The following TXLNG variants were observed in gnomAD, a reference collection of about 807,000 sequenced individuals.
The protein encoded by TXLNG is gamma-taxilin.
TXLNG carries 5 observed loss-of-function variants against 38.8 expected under a neutral mutation model. The observed-to-expected ratio is 0.13, with a 90% CI of 0.07 to 0.27. The LOEUF (loss-of-function observed/expected upper bound fraction) is 0.27. Among genes scored for constraint, TXLNG ranks in the 10% least tolerant of loss-of-function variants. TXLNG has a pLI of 1.00. For synonymous variants in TXLNG, 182 were observed against 158.2 expected (o/e 1.15, Z -1.13); for missense variants, 393 against 398.2 (o/e 0.99, Z 0.11).
At chrX:16,819,821 T>TA (rs993110390) in intron 2 of TXLNG, among the ~76,000 whole-genome samples, 8 of 111,831 alleles carry the variant, frequency 7.2e-5, no homozygotes, top group African/African-American at 2.6e-4. Flanking sequence ...GAGGAAGCTT[T>TA]AAAAAAAATT....
intron 1 of TXLNG, among the ~76,000 whole-genome samples, chrX:16,812,252 G>T (rs1458689415): frequency 2.8e-5 from 3 of 107,962 alleles, no homozygotes; most frequent in Admixed American, 1.0e-4. Flanking sequence ...CAAGTGATCC[G>T]CCCGCCTCGG....
chrX:16,823,254 T>C (rs1341123017), intron 3 of TXLNG, among the ~76,000 whole-genome samples: 1 of 107,876 alleles, frequency 9.3e-6, no homozygotes, highest in Admixed American at 9.9e-5. Context: ...AGGTCGGGAG[T>C]TCGAGACCAG....
At chrX:16,790,197 G>A (rs928708669) in intron 1 of TXLNG, among the ~76,000 whole-genome samples, 29 of 111,275 alleles carry the variant, frequency 2.6e-4, no homozygotes, top group South Asian at 7.4e-4. Flanking sequence ...CATAGTTTAC[G>A]TTAGGGTTCA....
intron 1 of TXLNG, among the ~76,000 whole-genome samples, chrX:16,809,328 A>C (rs1257253444): frequency 3.1e-5 from 3 of 98,326 alleles, no homozygotes; most frequent in Non-Finnish European, 4.1e-5. Flanking sequence ...TGATGTGTAA[A>C]ATGATATCTT....
At chrX:16,820,862 G>T (rs186650896) in intron 3 of TXLNG, among the ~76,000 whole-genome samples, 131 of 111,361 alleles carry the variant, frequency 1.2e-3, no homozygotes, top group Non-Finnish European at 2.1e-3. Context: ...TCCACCTCCC[G>T]GGTTCACGCC....
intron 8 of TXLNG, 100 bp downstream of exon 8, chrX:16,837,785 T>C: frequency 1.6e-6 from 1 of 610,179 alleles, no homozygotes; most frequent in Non-Finnish European, 2.4e-6. Flanking sequence ...GTTATGATAC[T>C]GTCTTCATTT....
At chrX:16,825,420 G>A (rs1045132454) in intron 3 of TXLNG, among the ~76,000 whole-genome samples, 1 of 112,652 alleles carries the variant, frequency 8.9e-6, no homozygotes, top group Non-Finnish European at 1.9e-5. Flanking sequence ...GGAAACACAT[G>A]AGAATGTTCA....
At chrX:16,818,539 T>G (rs765674434) in intron 1 of TXLNG, 35 bp from the exon 2 acceptor site, 1 of 1,177,353 alleles carries the variant, frequency 8.5e-7, no homozygotes, top group East Asian at 3.0e-5. Context: ...ATTTAACCCC[T>G]TCTCCATCTT....
chrX:16,815,646 C>T (rs759701825), intron 1 of TXLNG, among the ~76,000 whole-genome samples: 55 of 111,468 alleles, frequency 4.9e-4, no homozygotes, highest in Non-Finnish European at 8.9e-4. Flanking sequence ...CCCAGCCTCC[C>T]GAGTAGCTGG....
At chrX:16,829,847 C>T (rs1246551973) in intron 5 of TXLNG, 77 bp downstream of exon 5, 3 of 1,017,367 alleles carry the variant, frequency 2.9e-6, no homozygotes, top group Non-Finnish European at 4.0e-6. Context: ...AGTAAAACTG[C>T]TGTCACGGGT....
rs1315628489 is a variant in TXLNG at position 16,842,124 on chromosome X, A to T, written c.*358A>T. The T allele has an allele frequency of 2.2e-5, 3 of 137,032 alleles. No individual in the cohort carries two copies. Among genetic ancestry groups the T allele is most frequent in the Non-Finnish European group, 4.2e-5 (3 of 71,975 alleles). The allele number at this position is 137,032 out of a possible 1,213,427, so 11.3% of individuals were successfully genotyped here. On this transcript the variant is annotated 3_prime_UTR_variant, in exon 10 of 10. Coordinates refer to ENST00000380122, the MANE Select transcript of TXLNG (RefSeq NM_018360.3). The stretch of plus-strand genomic sequence containing the variant: ...GTTCTGACGATGGTTCCTTGATGTG[A>T]AAACAATATTAATTTAAACGTCTTA...
At chrX:16,838,528 C>A (rs908133059) in intron 8 of TXLNG, among the ~76,000 whole-genome samples, 15 of 112,185 alleles carry the variant, frequency 1.3e-4, no homozygotes, top group Non-Finnish European at 2.1e-4. Flanking sequence ...AAATTGGTAA[C>A]AAAAACCTGC....
In TXLNG at chrX:16,786,510, C is replaced by T. The variant is rs763002861; in HGVS notation, c.23C>T (p.Ala8Val). The change falls in exon 1 of 10, where the codon GCA becomes GTA. Residue 8 changes from alanine (A) to valine (V), a missense_variant. Transcript: ENST00000380122. MATRVEE[A>V]ARGRGGGAEE... ...CTCATGGCGACGCGGGTAGAGGAGG[C>T]AGCGCGGGGAAGAGGCGGCGGCGCC... The T allele has an allele frequency of 6.1e-4, 678 of 1,111,380 alleles. 1 individual carries two copies. The highest frequency in any genetic ancestry group is 7.1e-4 in the Non-Finnish European group (601 of 849,184). 91.6% of individuals were successfully genotyped at this position (1,111,380 alleles called of 1,213,427 possible).
intron 1 of TXLNG, among the ~76,000 whole-genome samples, chrX:16,796,484 C>G (rs1394983285): frequency 9.0e-6 from 1 of 111,628 alleles, no homozygotes; most frequent in Admixed American, 9.6e-5. Flanking sequence ...TAAGATAGTT[C>G]TGAGAATTAA....
intron 9 of TXLNG, among the ~76,000 whole-genome samples, chrX:16,840,248 T>C (rs1200426668): frequency 6.2e-5 from 7 of 112,304 alleles, no homozygotes; most frequent in African/African-American, 1.9e-4. Flanking sequence ...ATCAGACGCC[T>C]GCTTGTTAAG....
chrX:16,841,439 T>A lies in TXLNG; in HGVS notation c.1260T>A (p.Arg420=). 8.3e-7 allele frequency: 1 copy of A among 1,201,351 alleles called. No homozygotes were observed. Among genetic ancestry groups the A allele is most frequent in the Non-Finnish European group, 1.1e-6 (1 of 890,775 alleles). Reference sequence around the variant, plus strand: ...CTTTTTTCTTACAGAAAACAGTCCGTGATAAAGAGTACAAGGCCCTTCAAA... The same window carrying A: ...CTTTTTTCTTACAGAAAACAGTCCGAGATAAAGAGTACAAGGCCCTTCAAA... ...LLQMAEEKTV[R]DKEYKALQIK... The change falls in exon 10 of 10, where the codon CGT becomes CGA. Residue 420 remains arginine (R), a synonymous_variant. Coordinates refer to ENST00000380122, the MANE Select transcript of TXLNG (RefSeq NM_018360.3).
At chrX:16,836,746 T>G (rs987651532) in intron 7 of TXLNG, among the ~76,000 whole-genome samples, 1 of 112,610 alleles carries the variant, frequency 8.9e-6, no homozygotes, top group Non-Finnish European at 1.9e-5. Flanking sequence ...TATTCTTCTC[T>G]GCTTTTCTTA....
In TXLNG at chrX:16,840,866, CTT is replaced by C. The variant is rs890034954; in HGVS notation, c.1249-560_1249-559del. ...TATGTAGGCCTTTGTGTCTGCTACT[CTT>C]TGTCATATCTTGAATTTCCTTAATA... On this transcript the variant is annotated intron_variant, in intron 9 of 9. Coordinates refer to ENST00000380122, the MANE Select transcript of TXLNG (RefSeq NM_018360.3). Among the ~76,000 whole-genome samples, 21 of 111,548 alleles carry C rather than the reference CTT, an allele frequency of 1.9e-4. 1 individual carries two copies. Among genetic ancestry groups the C allele is most frequent in the East Asian group, 8.4e-4 (3 of 3,560 alleles).
At position 16,843,317 on chromosome X, in the gene TXLNG, T is replaced by TA. The variant is rs1380594044; in HGVS notation, c.*1552dup. ...AAAGAATTGAAAATTGTCCAACAGA[T>TA]AGATAGATAGGAAACCGCCTGGAGT... On this transcript the variant is annotated 3_prime_UTR_variant, in exon 10 of 10. Transcript: ENST00000380122. The TA allele has an allele frequency of 8.9e-6, 1 of 111,973 alleles. No homozygotes were observed. The highest frequency in any genetic ancestry group is 1.9e-5 in the Non-Finnish European group (1 of 53,197). The allele number at this position is 111,973 out of a possible 1,213,427, so 9.2% of individuals were successfully genotyped here.
Sources: allele counts gnomAD v4.1 joint callset (sites outside exome capture counted in the v4.1 genomes callset), GRCh38; gene constraint gnomAD v4.1.1; transcripts MANE v1.5; gene names NCBI Gene and HGNC (gene_info 2026-07-23, HGNC 2026-07-21).